SRGAP3: variants seen among roughly 807,000 people sequenced by gnomAD.
SRGAP3 encodes SLIT-ROBO Rho GTPase-activating protein 3.
A neutral mutation model predicts 121.1 loss-of-function variants in SRGAP3; 39 were observed. That is an observed-to-expected ratio of 0.32 (90% CI 0.25 to 0.42). The LOEUF is 0.42. Ranked by LOEUF, SRGAP3 falls within the 10% of genes least tolerant of loss-of-function variation. The pLI, the probability that SRGAP3 is intolerant of heterozygous loss-of-function variation, is 1.00. For synonymous variants in SRGAP3, 601 were observed against 570.0 expected (o/e 1.05, Z -0.77); for missense variants, 1,213 against 1,470.6 (o/e 0.82, Z 2.86).
intron 2 of SRGAP3, 92 bp downstream of exon 2, chr3:9,124,633 A>T (rs1029726140): frequency 5.8e-6 from 9 of 1,546,316 alleles, no homozygotes; most frequent in African/African-American, 1.4e-5. Flanking sequence ...GCCTCCAATG[A>T]AGCTGGCTGG....
intron 3 of SRGAP3, among the ~76,000 whole-genome samples, chr3:9,316,348 C>T (rs1955345756): frequency 1.3e-5 from 2 of 149,692 alleles, no homozygotes; most frequent in African/African-American, 4.9e-5. Context: ...CACACTCAGC[C>T]TTCTTGGTTA....
intron 3 of SRGAP3, among the ~76,000 whole-genome samples, chr3:9,269,891 G>C (rs1954440283): frequency 6.6e-6 from 1 of 152,028 alleles, no homozygotes; most frequent in Non-Finnish European, 1.5e-5. Context: ...GAGGGACAGA[G>C]GGAGGAAGGG....
intron 3 of SRGAP3, among the ~76,000 whole-genome samples, chr3:9,284,875 G>C (rs1039424592): frequency 6.7e-6 from 1 of 150,020 alleles, no homozygotes; most frequent in Non-Finnish European, 1.5e-5. Context: ...TGAGGACCTC[G>C]ACAGGACCTT....
chr3:9,338,184 C>T (rs1387971660), intron 1 of SRGAP3, among the ~76,000 whole-genome samples: 1 of 152,076 alleles, frequency 6.6e-6, no homozygotes, highest in Non-Finnish European at 1.5e-5. Flanking sequence ...GTGATAGAGG[C>T]TTGCACTTGG....
chr3:9,312,941 A>C (rs192271180), intron 3 of SRGAP3, among the ~76,000 whole-genome samples: 76 of 152,310 alleles, frequency 5.0e-4, no homozygotes, highest in Non-Finnish European at 8.4e-4. Flanking sequence ...ACAGTGAGCT[A>C]TGTTTGTGCC....
intron 1 of SRGAP3, among the ~76,000 whole-genome samples, chr3:9,180,409 T>C (rs1951342811): frequency 6.6e-6 from 1 of 152,132 alleles, no homozygotes; most frequent in Non-Finnish European, 1.5e-5. Context: ...AGCCTGTGTA[T>C]TCCCCTTACC....
At chr3:9,293,174 T>C (rs2125271250) in intron 3 of SRGAP3, 1 of 152,034 alleles carries the variant, frequency 6.6e-6, no homozygotes, top group Admixed American at 6.6e-5. Flanking sequence ...AATAGGAGAG[T>C]TAAATTCCAA....
intron 1 of SRGAP3, among the ~76,000 whole-genome samples, chr3:9,362,050 T>C (rs2125299774): frequency 6.6e-6 from 1 of 152,254 alleles, no homozygotes; most frequent in African/African-American, 2.4e-5. Context: ...GGCCACTGTG[T>C]TTAGCATAAA....
chr3:8,993,284 C>A (rs1942181274), intron 19 of SRGAP3, among the ~76,000 whole-genome samples: 1 of 152,248 alleles, frequency 6.6e-6, no homozygotes. Context: ...CCACACCTAC[C>A]TCCTCCTTTT....
intron 18 of SRGAP3, among the ~76,000 whole-genome samples, chr3:9,003,622 C>T (rs912375317): frequency 5.9e-5 from 9 of 152,192 alleles, no homozygotes; most frequent in Admixed American, 6.5e-5. Context: ...TAATGTAATG[C>T]ATCTTATCAG....
chr3:9,251,440 A>T (rs1954014433), upstream of SRGAP3, among the ~76,000 whole-genome samples: 1 of 152,176 alleles, frequency 6.6e-6, no homozygotes, highest in African/African-American at 2.4e-5. Context: ...CCTGAGAAAG[A>T]TGGGCACAGA....
intron 2 of SRGAP3, among the ~76,000 whole-genome samples, chr3:9,115,143 GCCTTGCCTATCAGTTGGTC>G (rs1236735480): frequency 1.3e-5 from 2 of 152,142 alleles, no homozygotes; most frequent in African/African-American, 4.8e-5. Context: ...GGTTCACCCT[GCCTTGCCTATCAGTTGGTC>G]CCTTGCCTAT....
chr3:9,163,986 C>CTTTT (rs767652463), intron 1 of SRGAP3, among the ~76,000 whole-genome samples: 14 of 83,316 alleles, frequency 1.7e-4, no homozygotes, highest in Non-Finnish European at 1.9e-4. Context: ...AACTACTATT[C>CTTTT]TTTTTTTTTT....
At chr3:9,023,281 G>A (rs1320031109) in intron 14 of SRGAP3, among the ~76,000 whole-genome samples, 1 of 152,184 alleles carries the variant, frequency 6.6e-6, no homozygotes, top group Non-Finnish European at 1.5e-5. Context: ...AAGGCAGCAG[G>A]GATGTAAGGA....
chr3:9,348,759 A>T, intron 1 of SRGAP3: 2 of 1,355,590 alleles, frequency 1.5e-6, no homozygotes, highest in Non-Finnish European at 2.1e-6. Context: ...GCTGCAAAGC[A>T]TGGTGAGGCC....
chr3:9,081,237 C>G, intron 3 of SRGAP3: 1 of 456,688 alleles, frequency 2.2e-6, no homozygotes. Flanking sequence ...GTCCCCTGGT[C>G]TGCCTAATCT....
chr3:9,119,733 C>T (rs575559066), intron 2 of SRGAP3, among the ~76,000 whole-genome samples: 2 of 152,318 alleles, frequency 1.3e-5, no homozygotes, highest in East Asian at 1.9e-4. Flanking sequence ...CTAGAAGCCC[C>T]GAGCTACTGT....
intron 1 of SRGAP3, among the ~76,000 whole-genome samples, chr3:9,199,475 T>A (rs1431423675): frequency 5.3e-5 from 8 of 152,356 alleles, no homozygotes; most frequent in East Asian, 3.9e-4. Context: ...TTTGTTTTTT[T>A]CTTTGTTCAC....
At chr3:9,361,346 C>T (rs892685020) in intron 1 of SRGAP3, among the ~76,000 whole-genome samples, 2 of 152,130 alleles carry the variant, frequency 1.3e-5, no homozygotes, top group Non-Finnish European at 2.9e-5. Flanking sequence ...TCAAGCGAGC[C>T]ACTCACCTCA....
Sources: allele counts gnomAD v4.1 joint callset (sites outside exome capture counted in the v4.1 genomes callset), GRCh38; gene constraint gnomAD v4.1.1; transcripts MANE v1.5; gene names NCBI Gene and HGNC (gene_info 2026-07-23, HGNC 2026-07-21).